Variants in MDGA2 observed in about 807,000 individuals in gnomAD.
MDGA2 encodes MAM domain containing glycosylphosphatidylinositol anchor 2, also known as MAM domain-containing glycosylphosphatidylinositol anchor protein 2.
MDGA2 carries 40 observed loss-of-function variants against 117.8 expected under a neutral mutation model. That is an observed-to-expected ratio of 0.34 (90% CI 0.26 to 0.44). The LOEUF is 0.44. Among genes scored for constraint, MDGA2 ranks in the 20% least tolerant of loss-of-function variants. The pLI, the probability that MDGA2 is intolerant of heterozygous loss-of-function variation, is 1.00. For missense variants in MDGA2, 1,123 were observed against 1,250.6 expected, an observed-to-expected ratio of 0.90 and a Z score of 1.54; for synonymous variants, 452 against 439.0, an observed-to-expected ratio of 1.03 and a Z score of -0.37.
chr14:46,885,329 C>A (rs1410587731), intron 10 of MDGA2, among the ~76,000 whole-genome samples: 1 of 152,132 alleles, frequency 6.6e-6, no homozygotes, highest in African/African-American at 2.4e-5. Context: ...ATATTATACA[C>A]ATGTTAATAT....
intron 7 of MDGA2, among the ~76,000 whole-genome samples, chr14:47,060,037 C>G (rs142129428): frequency 1.8e-3 from 270 of 152,124 alleles, no homozygotes; most frequent in African/African-American, 6.0e-3. Flanking sequence ...CCTCAGATAT[C>G]CTAAAATAAT....
chr14:47,576,812 G>A (rs185826451), intron 1 of MDGA2, among the ~76,000 whole-genome samples: 130 of 152,194 alleles, frequency 8.5e-4, no homozygotes, highest in African/African-American at 3.0e-3. Flanking sequence ...CCCAGGCTGC[G>A]ATTTCAGCTC....
chr14:47,376,302 T>C (rs1462752722), intron 1 of MDGA2, among the ~76,000 whole-genome samples: 1 of 152,198 alleles, frequency 6.6e-6, no homozygotes, highest in Non-Finnish European at 1.5e-5. Flanking sequence ...ATTTTACACA[T>C]ACTTATTCTA....
chr14:47,209,060 T>TA (rs1299375397), intron 3 of MDGA2, among the ~76,000 whole-genome samples: 9 of 152,104 alleles, frequency 5.9e-5, no homozygotes, highest in African/African-American at 2.2e-4. Flanking sequence ...CCTTTTTTTT[T>TA]AAATTCCTTA....
chr14:46,945,129 T>C (rs1405460886), intron 9 of MDGA2, among the ~76,000 whole-genome samples: 1 of 152,238 alleles, frequency 6.6e-6, no homozygotes, highest in African/African-American at 2.4e-5. Flanking sequence ...GACAGTTCAA[T>C]TACCTGCTGT....
intron 1 of MDGA2, among the ~76,000 whole-genome samples, chr14:47,309,813 G>T (rs1889577273): frequency 6.6e-6 from 1 of 151,958 alleles, no homozygotes; most frequent in African/African-American, 2.4e-5. Flanking sequence ...AAAGACAGAT[G>T]AAAGTTTGTC....
intron 1 of MDGA2, among the ~76,000 whole-genome samples, chr14:47,349,590 T>C (rs964235336): frequency 2.6e-5 from 4 of 152,236 alleles, no homozygotes; most frequent in African/African-American, 7.2e-5. Flanking sequence ...ACAAAGCCTT[T>C]TTTAGGAGTA....
Position 47,124,086 on chromosome 14 carries a change from T to C in MDGA2, c.925+7628A>G, listed in dbSNP as rs143943958. The stretch of plus-strand genomic sequence containing the variant: ...AACACTGTTGTTCAGATAACCTGGA[T>C]TATTATCTATGATAAAAAATTATTA... On this transcript the variant is annotated intron_variant, in intron 5 of 16. Transcript: ENST00000399232. 7.1e-4 allele frequency among the ~76,000 whole-genome samples: 108 copies of C among 152,194 alleles called. 1 individual carries two copies. The highest frequency in any genetic ancestry group is 2.5e-3 in the African/African-American group (102 of 41,564).
At chr14:47,383,475 T>G (rs12884873) in intron 1 of MDGA2, among the ~76,000 whole-genome samples, 16,421 of 152,190 alleles carry the variant, frequency 0.11, 1,138 homozygotes, top group Non-Finnish European at 0.17. Context: ...ATTAATAAAA[T>G]TCTGTGTGGA....
Position 46,998,707 on chromosome 14 carries a change from G to A in MDGA2, c.1819+36304C>T, listed in dbSNP as rs570807018. ...CTCAGAGAATTTTAAAGTTTATGTT[G>A]CCAATTGTGAATACTAAATGAACAC... On this transcript the variant is annotated intron_variant, in intron 8 of 16. Coordinates refer to ENST00000399232, the MANE Select transcript of MDGA2 (RefSeq NM_001113498.3). 7.9e-5 allele frequency among the ~76,000 whole-genome samples: 12 copies of A among 152,032 alleles called. No homozygotes were observed. The South Asian group carries it at 2.3e-3, about 29-fold the overall frequency.
intron 1 of MDGA2, among the ~76,000 whole-genome samples, chr14:47,358,751 A>G (rs532326099): frequency 6.6e-6 from 1 of 152,352 alleles, no homozygotes; most frequent in South Asian, 2.1e-4. Context: ...AATACATTTC[A>G]TCAAGGAGTT....
At chr14:46,916,327 C>A (rs1226228750) in intron 10 of MDGA2, among the ~76,000 whole-genome samples, 2 of 152,002 alleles carry the variant, frequency 1.3e-5, no homozygotes, top group African/African-American at 4.8e-5. Context: ...GACCTGAGTT[C>A]GAGCCTTGGC....
chr14:47,628,014 C>T (rs1029513896), intron 1 of MDGA2, among the ~76,000 whole-genome samples: 2 of 152,132 alleles, frequency 1.3e-5, no homozygotes, highest in Admixed American at 1.3e-4. Context: ...AGACCAACAA[C>T]CCACCAATTC....
intron 10 of MDGA2, among the ~76,000 whole-genome samples, chr14:46,894,149 A>C (rs1021821700): frequency 6.6e-6 from 1 of 152,042 alleles, no homozygotes; most frequent in Non-Finnish European, 1.5e-5. Flanking sequence ...TTTTAATTTA[A>C]ATCTTATAAA....
At chr14:47,386,359 T>C (rs1331363399) in intron 1 of MDGA2, among the ~76,000 whole-genome samples, 1 of 152,208 alleles carries the variant, frequency 6.6e-6, no homozygotes, top group Non-Finnish European at 1.5e-5. Context: ...AAAAACTCAT[T>C]ATGGTTAATT....
At chr14:47,058,628 A>G in intron 7 of MDGA2, 8 of 985,114 alleles carry the variant, frequency 8.1e-6, no homozygotes, top group Non-Finnish European at 9.6e-6. Flanking sequence ...TGGGATAAAT[A>G]TCATTTTAAT....
At chr14:47,609,990 C>A (rs749299751) in intron 1 of MDGA2, among the ~76,000 whole-genome samples, 3 of 151,930 alleles carry the variant, frequency 2.0e-5, no homozygotes, top group African/African-American at 4.8e-5. Context: ...CTAACGGAAT[C>A]CACCATGATC....
At chr14:47,470,265 G>C (rs1566473291) in intron 1 of MDGA2, among the ~76,000 whole-genome samples, 302 of 124,162 alleles carry the variant, frequency 2.4e-3, no homozygotes, top group African/African-American at 2.8e-3. Flanking sequence ...CCTTCCCCCA[G>C]CCCCCCCACC....
At chr14:47,077,440 GTTTTC>G (rs1218375026) in intron 6 of MDGA2, among the ~76,000 whole-genome samples, 1 of 151,784 alleles carries the variant, frequency 6.6e-6, no homozygotes, top group Non-Finnish European at 1.5e-5. Flanking sequence ...GTTATTTTTT[GTTTTC>G]TTTTGTTGTT....
Sources: allele counts gnomAD v4.1 joint callset (sites outside exome capture counted in the v4.1 genomes callset), GRCh38; gene constraint gnomAD v4.1.1; transcripts MANE v1.5; gene names NCBI Gene and HGNC (gene_info 2026-07-23, HGNC 2026-07-21).